The following ARHGAP33 variants were observed in gnomAD, a reference collection of about 807,000 sequenced individuals.
ARHGAP33 encodes the protein rho GTPase-activating protein 33.
Under a neutral mutation model 126.2 loss-of-function variants are expected in ARHGAP33, and 57 were observed. The ratio of observed to expected loss-of-function variants is 0.45; its 90% CI spans 0.36 to 0.56. The LOEUF (loss-of-function observed/expected upper bound fraction) is 0.56. ARHGAP33 is among the 20% of genes least tolerant of loss of function. The pLI is 0.00. For missense variants in ARHGAP33, 1,500 were observed against 1,748.3 expected, an observed-to-expected ratio of 0.86 and a Z score of 2.53; for synonymous variants, 711 against 755.0, an observed-to-expected ratio of 0.94 and a Z score of 0.95.
intron 19 of ARHGAP33, chr19:35,785,705 T>C: frequency 7.1e-7 from 1 of 1,399,314 alleles, no homozygotes; most frequent in Non-Finnish European, 9.2e-7. Flanking sequence ...ACGGGCCCTT[T>C]AAAAGTCTTT....
At chr19:35,784,424 G>A (rs558679486) in intron 16 of ARHGAP33, 107 bp downstream of exon 16, 1 of 1,430,964 alleles carries the variant, frequency 7.0e-7, no homozygotes, top group East Asian at 2.7e-5. Context: ...CTGAAGCTGG[G>A]CCTCCCTCCG....
Position 35,784,110 on chromosome 19 carries a change from C to T in ARHGAP33, c.1422-62C>T, listed in dbSNP as rs1971957509. On this transcript the variant is annotated intron_variant, in intron 15 of 20. Transcript: ENST00000007510. ...TGCCTCCCCTGGCTCCCCTCATTGC[C>T]CTGCCAGAACCTGCTGGCTGGGCTC... 4.3e-5 allele frequency: 63 copies of T among 1,475,862 alleles called. No homozygotes were observed. The South Asian group carries it at 6.9e-4, about 16-fold the overall frequency. 91.4% of individuals were successfully genotyped at this position (1,475,862 alleles called of 1,614,324 possible). A position where few individuals can be genotyped will look rare whatever the true frequency, so the allele number is the denominator to read the frequency against.
chr19:35,785,900 A>C, intron 19 of ARHGAP33: 3 of 1,097,504 alleles, frequency 2.7e-6, no homozygotes, highest in Non-Finnish European at 3.3e-6. Flanking sequence ...TGTAAGGATC[A>C]TACTGCTCAG....
At chr19:35,784,465 C>G in intron 16 of ARHGAP33, 148 bp downstream of exon 16, 5 of 1,383,952 alleles carry the variant, frequency 3.6e-6, no homozygotes, top group Non-Finnish European at 4.7e-6. Context: ...CGGCCTCTCC[C>G]TCCCCGCGCC....
Position 35,782,845 on chromosome 19 carries a change from T to C in ARHGAP33, c.1397T>C (p.Ile466Thr), listed in dbSNP as rs750556492. 6.2e-7 allele frequency: 1 copy of C among 1,613,204 alleles called. No homozygotes were observed. The highest frequency in any genetic ancestry group is 8.5e-7 in the Non-Finnish European group (1 of 1,179,636). Residue 466 changes from isoleucine (I) to threonine (T), a missense_variant, in exon 15 of 21, where the codon ATT becomes ACT. Ile to Thr is a moderately conservative substitution (Grantham distance 89, BLOSUM62 -1). Transcript: ENST00000007510. This position sits in a 1 kb window ranked among gnomAD's most constrained non-coding sequence, Gnocchi z 4.1. ...NTSMHARNLA[I>T]VWAPNLLRSM... Reference sequence around the variant, plus strand: ...AGCATGCATGCCCGCAACCTGGCCATTGTCTGGGCACCCAACCTGCTACGG... The same window carrying C: ...AGCATGCATGCCCGCAACCTGGCCACTGTCTGGGCACCCAACCTGCTACGG...
intron 1 of ARHGAP33, 35 bp downstream of exon 1, chr19:35,775,699 C>A: frequency 6.5e-7 from 1 of 1,529,748 alleles, no homozygotes. Flanking sequence ...CCTGTCCGTC[C>A]GGATGTCAGT....
chr19:35,780,891 C>T, intron 10 of ARHGAP33, 29 bp from the exon 11 acceptor site: 1 of 1,611,064 alleles, frequency 6.2e-7, no homozygotes. Context: ...ACAAGACCTG[C>T]CTTTGCCCTT....
chr19:35,784,351 T>C, intron 16 of ARHGAP33, 34 bp downstream of exon 16: 1 of 1,519,440 alleles, frequency 6.6e-7, no homozygotes. Flanking sequence ...TCCTGGCTAC[T>C]GCCCACCACG....
In ARHGAP33 at chr19:35,782,860, A is replaced by G. The variant is rs1412547404; in HGVS notation, c.1412A>G (p.Asn471Ser). 1.2e-6 allele frequency: 2 copies of G among 1,611,834 alleles called. No individual in the cohort carries two copies. The highest frequency in any genetic ancestry group is 8.5e-7 in the Non-Finnish European group (1 of 1,178,970). Residue 471 changes from asparagine (N) to serine (S), a missense_variant, in exon 15 of 21, where the codon AAC (asparagine) becomes AGC (serine). This residue lies in a region of ARHGAP33 where 281 missense variants were observed against 413.7 expected (regional missense o/e 0.68). Transcript: ENST00000007510. The surrounding 1 kb of genome is among the most constrained non-coding windows in gnomAD (Gnocchi z 4.1). Reference sequence around the variant, plus strand: ...AACCTGGCCATTGTCTGGGCACCCAACCTGCTACGGTGAGCTGCTTGCTCG... The same window carrying G: ...AACCTGGCCATTGTCTGGGCACCCAGCCTGCTACGGTGAGCTGCTTGCTCG... ...ARNLAIVWAP[N>S]LLRSMELESV...
In ARHGAP33 at chr19:35,784,220, G is replaced by C; in HGVS notation, c.1470G>C (p.Arg490=). The C allele has an allele frequency of 6.2e-7, 1 of 1,612,138 alleles. No individual in the cohort carries two copies. The highest frequency in any genetic ancestry group is 1.7e-5 in the Admixed American group (1 of 59,930). ...GAATGGGTGGCGCGGCGGCGTTCCG[G>C]GAAGTTCGGGTGCAGTCGGTGGTGG... ...SVGMGGAAAF[R]EVRVQSVVVE... The change falls in exon 16 of 21, where the codon CGG becomes CGC. Residue 490 remains arginine, a synonymous_variant. Coordinates refer to ENST00000007510, the MANE Select transcript of ARHGAP33 (RefSeq NM_001366178.1).
chr19:35,784,803 G>C lies in ARHGAP33; in HGVS notation c.1568-150G>C. 2.3e-5 allele frequency: 26 copies of C among 1,125,434 alleles called. No homozygotes were observed. The East Asian group carries it at 2.3e-4, about 10-fold the overall frequency. The allele number at this position is 1,125,434 out of a possible 1,614,324, so 69.7% of individuals were successfully genotyped here. A position where few individuals can be genotyped will look rare whatever the true frequency, so the allele number is the denominator to read the frequency against. Reference sequence around the variant, plus strand: ...CCCTCCTCCCACCTGCCTGCTGCCCGCCTGCTCCCGCCTGATCCGCCCCGG... The same window carrying C: ...CCCTCCTCCCACCTGCCTGCTGCCCCCCTGCTCCCGCCTGATCCGCCCCGG... On this transcript the variant is annotated intron_variant, in intron 16 of 20. Transcript: ENST00000007510.
In ARHGAP33 at chr19:35,782,766, C is replaced by G; in HGVS notation, c.1318C>G (p.Leu440Val). 1 of 1,613,188 alleles carries G rather than the reference C, an allele frequency of 6.2e-7. No individual in the cohort carries two copies. The highest frequency in any genetic ancestry group is 8.5e-7 in the Non-Finnish European group (1 of 1,179,458). The change falls in exon 15 of 21, where the codon CTG becomes GTG. Residue 440 changes from leucine to valine, a missense_variant. Around this residue, in one of 6 missense-constraint regions of ARHGAP33, gnomAD observed 281 missense variants for 413.7 expected, o/e 0.68. Coordinates refer to ENST00000007510, the MANE Select transcript of ARHGAP33 (RefSeq NM_001366178.1). This position sits in a 1 kb window ranked among gnomAD's most constrained non-coding sequence, Gnocchi z 4.1. The part of the protein sequence containing the change: ...QQLPPPHYRT[L>V]EYLLRHLARM... Reference sequence around the variant, plus strand: ...CCCCTCTGCTCCCACCCCCAGGACCCTGGAGTACCTGCTGAGGCACCTGGC... The same window carrying G: ...CCCCTCTGCTCCCACCCCCAGGACCGTGGAGTACCTGCTGAGGCACCTGGC...
Position 35,775,587 on chromosome 19 carries a change from G to A in ARHGAP33, c.-72G>A. ...GCGCCCTCCCCTTTGTGTCGCCATG[G>A]CGGCGGCAGCGGCGACGAGAACGGC... On this transcript the variant is annotated 5_prime_UTR_variant, in exon 1 of 21. Transcript: ENST00000007510. 2 of 1,457,920 alleles carry A rather than the reference G, an allele frequency of 1.4e-6. No homozygotes were observed. The highest frequency in any genetic ancestry group is 1.8e-6 in the Non-Finnish European group (2 of 1,108,134). 90.3% of individuals were successfully genotyped at this position (1,457,920 alleles called of 1,614,324 possible).
At position 35,788,664 on chromosome 19, in the gene ARHGAP33, G is replaced by A. The variant is rs1485068915; in HGVS notation, c.*235G>A. The A allele has an allele frequency of 4.4e-5, 22 of 495,612 alleles. No homozygotes were observed. The South Asian group carries it at 4.7e-4, about 11-fold the overall frequency. The allele number at this position is 495,612 out of a possible 1,614,324, so 30.7% of individuals were successfully genotyped here. A position where few individuals can be genotyped will look rare whatever the true frequency, so the allele number is the denominator to read the frequency against. On this transcript the variant is annotated 3_prime_UTR_variant, in exon 21 of 21. Coordinates refer to ENST00000007510, the MANE Select transcript of ARHGAP33 (RefSeq NM_001366178.1). ...CTGGGGGCCCTCGCACAAATCTGGG[G>A]TGGGAGGGGCTAGGCTGACCCCATC...
chr19:35,780,827 T>C lies in ARHGAP33; in HGVS notation c.829+11T>C, dbSNP rs369417707. On this transcript the variant is annotated intron_variant, in intron 10 of 20. Transcript: ENST00000007510. ...CGTCTCTGACCTCAGGTAATAGAAA[T>C]AGGCGGTCAGGTCCCAGCCCCTACC... 27 of 1,613,596 alleles carry C rather than the reference T, an allele frequency of 1.7e-5. No homozygotes were observed. In the African/African-American group the frequency reaches 3.3e-4, roughly 20 times the overall value.
At position 35,786,449 on chromosome 19, in the gene ARHGAP33, C is replaced by G. The variant is rs1248137375; in HGVS notation, c.1979C>G (p.Ser660Cys). ...CTGCACAGGCTGCGGCGACCCCACTCCAGCAGCGACGCTTTCCCTGTGGGC... is the reference window on the plus strand; with the variant it reads ...CTGCACAGGCTGCGGCGACCCCACTGCAGCAGCGACGCTTTCCCTGTGGGC... ...QRLHRLRRPH[S>C]SSDAFPVGPA... is the part of the protein sequence containing the mutation. The change falls in exon 20 of 21, where the codon TCC (serine) becomes TGC (cysteine). Residue 660 changes from serine (S) to cysteine (C), a missense_variant. Physicochemically the swap from Ser to Cys is moderately radical, Grantham distance 112 (BLOSUM62 -1). Transcript: ENST00000007510. This position sits in a 1 kb window ranked among gnomAD's most constrained non-coding sequence, Gnocchi z 7.0. 2 of 1,535,580 alleles carry G rather than the reference C, an allele frequency of 1.3e-6. No individual in the cohort carries two copies. The highest frequency in any genetic ancestry group is 2.4e-5 in the East Asian group (1 of 40,920).
chr19:35,788,046 C>T lies in ARHGAP33; in HGVS notation c.3481C>T (p.Arg1161Cys), dbSNP rs774229527. 7 of 1,609,714 alleles carry T rather than the reference C, an allele frequency of 4.3e-6. No individual in the cohort carries two copies. The Admixed American group carries it at 6.7e-5, about 15-fold the overall frequency. Residue 1161 changes from arginine to cysteine, a missense_variant, in exon 21 of 21, where the codon CGC becomes TGC. Arg to Cys is a radical substitution (Grantham distance 180). Coordinates refer to ENST00000007510, the MANE Select transcript of ARHGAP33 (RefSeq NM_001366178.1). ...GYSAPQHPARRPTPPEPLYVN... is the reference protein window; with the variant it reads ...GYSAPQHPARCPTPPEPLYVN... The stretch of plus-strand genomic sequence containing the variant: ...CTCAGCCCCCCAGCACCCTGCTCGG[C>T]GCCCTACACCGCCTGAGCCCCTCTA...
chr19:35,788,525 A>G lies in ARHGAP33; in HGVS notation c.*96A>G. 1 of 1,135,984 alleles carries G rather than the reference A, an allele frequency of 8.8e-7. No homozygotes were observed. Among genetic ancestry groups the G allele is most frequent in the Non-Finnish European group, 1.2e-6 (1 of 833,102 alleles). 70.4% of individuals were successfully genotyped at this position (1,135,984 alleles called of 1,614,324 possible). On this transcript the variant is annotated 3_prime_UTR_variant, in exon 21 of 21. Coordinates refer to ENST00000007510, the MANE Select transcript of ARHGAP33 (RefSeq NM_001366178.1). ...TTTTGTATTTTCTTGAACCCCGACC[A>G]CTACCCCAGGTTTCTAACTTTGTAA...
At position 35,788,531 on chromosome 19, in the gene ARHGAP33, C is replaced by A. The variant is rs1034762438; in HGVS notation, c.*102C>A. 1.4e-5 allele frequency: 15 copies of A among 1,091,138 alleles called. No homozygotes were observed. The African/African-American group carries it at 2.1e-4, about 15-fold the overall frequency. The allele number at this position is 1,091,138 out of a possible 1,614,324, so 67.6% of individuals were successfully genotyped here. A position where few individuals can be genotyped will look rare whatever the true frequency, so the allele number is the denominator to read the frequency against. ...ATTTTCTTGAACCCCGACCACTACC[C>A]CAGGTTTCTAACTTTGTAACTTGCT... On this transcript the variant is annotated 3_prime_UTR_variant, in exon 21 of 21. Coordinates refer to ENST00000007510, the MANE Select transcript of ARHGAP33 (RefSeq NM_001366178.1).
Sources: allele counts gnomAD v4.1 joint callset, GRCh38; gene constraint gnomAD v4.1.1; regional missense constraint gnomAD v4.1.1; non-coding constraint Gnocchi (gnomAD v3.1); transcripts MANE v1.5; gene names NCBI Gene and HGNC (gene_info 2026-07-23, HGNC 2026-07-21).